The following ADGRL2 variants were observed in gnomAD, a reference collection of about 807,000 sequenced individuals.
ADGRL2 encodes the protein calcium-independent alpha-latrotoxin receptor 2.
ADGRL2 carries 44 observed loss-of-function variants against 157.4 expected under a neutral mutation model. The observed-to-expected ratio is 0.28, with a 90% confidence interval of 0.22 to 0.36. The LOEUF (loss-of-function observed/expected upper bound fraction) is 0.36, where lower values mean the gene tolerates loss of function less well. Among genes scored for constraint, ADGRL2 ranks in the 10% least tolerant of loss-of-function variants. The pLI is 1.00. For missense variants in ADGRL2, 1,510 were observed against 1,768.9 expected, an observed-to-expected ratio of 0.85 and a Z score of 2.63; for synonymous variants, 585 against 624.7, an observed-to-expected ratio of 0.94 and a Z score of 0.95.
chr1:81,624,319 G>T lies in ADGRL2; in HGVS notation c.-143+43339G>T, dbSNP rs113762387. On this transcript the variant is annotated intron_variant, in intron 3 of 24. Coordinates refer to the ADGRL2 transcript ENST00000370721. The stretch of plus-strand genomic sequence containing the variant: ...TATCTGGCCGGGTGCGGTGGCTCAC[G>T]CCTGTAATCCCAGCACATTGGGAGG... 2.4e-3 allele frequency among the ~76,000 whole-genome samples: 362 copies of T among 152,220 alleles called. 2 individuals are homozygous for T. Among genetic ancestry groups the T allele is most frequent in the African/African-American group, 8.4e-3 (348 of 41,554 alleles).
chr1:81,486,935 G>T (rs960521906), intron 2 of ADGRL2, among the ~76,000 whole-genome samples: 1 of 151,930 alleles, frequency 6.6e-6, no homozygotes, highest in African/African-American at 2.4e-5. Context: ...TAATGAGCAG[G>T]CTACTTGTAT....
At chr1:81,801,126 G>A (rs1052553431) in intron 1 of ADGRL2, among the ~76,000 whole-genome samples, 58 bp downstream of exon 1, 1 of 152,106 alleles carries the variant, frequency 6.6e-6, no homozygotes, top group East Asian at 2.0e-4. Context: ...CGCAGCAGCT[G>A]CTCAAATGGA....
At chr1:81,892,180 A>G (rs1032904456) in intron 2 of ADGRL2, among the ~76,000 whole-genome samples, 3 of 152,066 alleles carry the variant, frequency 2.0e-5, no homozygotes, top group Non-Finnish European at 4.4e-5. Context: ...GATTTATCCA[A>G]TGTCACAGAG....
chr1:81,613,330 G>A (rs986096433), intron 3 of ADGRL2, among the ~76,000 whole-genome samples: 1 of 152,172 alleles, frequency 6.6e-6, no homozygotes, highest in Non-Finnish European at 1.5e-5. Flanking sequence ...GTGGCCAGTG[G>A]GTATGATGGC....
chr1:81,861,529 A>T (rs1364246677), intron 2 of ADGRL2, among the ~76,000 whole-genome samples: 1 of 152,186 alleles, frequency 6.6e-6, no homozygotes, highest in Non-Finnish European at 1.5e-5. Context: ...AGAGAAATTT[A>T]TATTTTATTG....
chr1:81,825,727 A>G (rs942507805), intron 1 of ADGRL2, among the ~76,000 whole-genome samples: 3 of 146,374 alleles, frequency 2.0e-5, no homozygotes, highest in African/African-American at 7.5e-5. Flanking sequence ...TAATACATGT[A>G]CTTTTGGAGA....
intron 1 of ADGRL2, among the ~76,000 whole-genome samples, chr1:81,356,919 C>G (rs750650303): frequency 1.8e-5 from 2 of 110,328 alleles, no homozygotes; most frequent in Non-Finnish European, 3.5e-5. Flanking sequence ...CGCCACTGCA[C>G]TCCAGCCTGG....
intron 1 of ADGRL2, among the ~76,000 whole-genome samples, chr1:81,727,611 T>G (rs1364114135): frequency 1.3e-5 from 2 of 152,014 alleles, no homozygotes; most frequent in Non-Finnish European, 2.9e-5. Flanking sequence ...TTTTGTATTT[T>G]TAGTAGAGAC....
chr1:81,613,509 A>G (rs2081583989), intron 3 of ADGRL2, among the ~76,000 whole-genome samples: 1 of 152,202 alleles, frequency 6.6e-6, no homozygotes, highest in African/African-American at 2.4e-5. Flanking sequence ...GTGGAATGCA[A>G]TCAGGGAGCT....
rs367555843 is a variant in ADGRL2, at chr1:81,553,035, A to G, written c.-247-27841A>G. Among the ~76,000 whole-genome samples, 16 of 152,310 alleles carry G rather than the reference A, an allele frequency of 1.1e-4. 1 individual carries two copies. The South Asian group carries it at 3.1e-3, about 30-fold the overall frequency. ...GCATTTACAGACAGCAGAAGAATAA[A>G]TTCCATACTTTTTCAAAATATGTTA... On this transcript the variant is annotated intron_variant, in intron 2 of 24. Coordinates refer to the ADGRL2 transcript ENST00000370721.
intron 3 of ADGRL2, among the ~76,000 whole-genome samples, chr1:81,922,046 A>G (rs1449363752): frequency 6.6e-6 from 1 of 152,190 alleles, no homozygotes; most frequent in East Asian, 1.9e-4. Flanking sequence ...AGAGACTCTT[A>G]AAACAGTGAC....
At chr1:81,340,606 A>ATCAT (rs1662003072) in intron 1 of ADGRL2, among the ~76,000 whole-genome samples, 2 of 152,174 alleles carry the variant, frequency 1.3e-5, no homozygotes, top group African/African-American at 2.4e-5. Context: ...ATTAAAATTA[A>ATCAT]AAGTAAGAAA....
intron 2 of ADGRL2, among the ~76,000 whole-genome samples, chr1:81,888,428 TG>T (rs1398221095): frequency 2.0e-5 from 3 of 152,072 alleles, no homozygotes; most frequent in African/African-American, 4.8e-5. Context: ...GATATTGCAT[TG>T]TTTTTTTATT....
At chr1:81,397,176 T>G (rs2076669461) in intron 1 of ADGRL2, among the ~76,000 whole-genome samples, 2 of 152,254 alleles carry the variant, frequency 1.3e-5, no homozygotes, top group South Asian at 4.1e-4. Flanking sequence ...CTATTTATTT[T>G]TGGTTTAATC....
chr1:81,448,799 A>G (rs1334574439), intron 2 of ADGRL2, among the ~76,000 whole-genome samples: 2 of 152,210 alleles, frequency 1.3e-5, no homozygotes, highest in Non-Finnish European at 2.9e-5. Context: ...GCTAAGTTTA[A>G]CTTTTAGTCT....
At chr1:81,663,704 T>C (rs4650573) in intron 3 of ADGRL2, among the ~76,000 whole-genome samples, 19,529 of 152,210 alleles carry the variant, frequency 0.13, 1,383 homozygotes, top group South Asian at 0.16. Context: ...GTGGTGACCA[T>C]TGTGGCCATT....
intron 3 of ADGRL2, among the ~76,000 whole-genome samples, chr1:81,585,285 C>T (rs990405443): frequency 3.9e-5 from 6 of 152,008 alleles, no homozygotes; most frequent in East Asian, 3.9e-4. Flanking sequence ...GTAATTATTT[C>T]GTAGTATGGA....
At chr1:81,862,563 C>G (rs1372117066) in intron 2 of ADGRL2, among the ~76,000 whole-genome samples, 3 of 152,048 alleles carry the variant, frequency 2.0e-5, no homozygotes, top group Non-Finnish European at 4.4e-5. Context: ...GACTTTGTCA[C>G]TATATATGAA....
At chr1:81,755,499 G>A (rs1228699938) in intron 1 of ADGRL2, among the ~76,000 whole-genome samples, 1 of 151,984 alleles carries the variant, frequency 6.6e-6, no homozygotes, top group East Asian at 1.9e-4. Context: ...TGGAGAAGAG[G>A]GAAAGAGCAT....
Sources: allele counts gnomAD v4.1 joint callset (sites outside exome capture counted in the v4.1 genomes callset), GRCh38; gene constraint gnomAD v4.1.1; transcripts MANE v1.5; gene names NCBI Gene and HGNC (gene_info 2026-07-23, HGNC 2026-07-21).